BOC: variants seen among roughly 807,000 people sequenced by gnomAD.
BOC encodes the protein BOC cell adhesion associated, oncogene regulated.
Under a neutral mutation model 112.0 loss-of-function variants are expected in BOC, and 76 were observed. The ratio of observed to expected loss-of-function variants is 0.68; its 90% confidence interval spans 0.56 to 0.82. The LOEUF (loss-of-function observed/expected upper bound fraction) is 0.82. Ranked by LOEUF, BOC falls within the 40% of genes least tolerant of loss-of-function variation. BOC has a pLI of 0.00. For synonymous variants in BOC, 580 were observed against 599.8 expected (o/e 0.97, Z 0.48); for missense variants, 1,309 against 1,511.7 (o/e 0.87, Z 2.22).
At chr3:113,280,792 C>A in intron 14 of BOC, 129 bp downstream of exon 14, 2 of 884,786 alleles carry the variant, frequency 2.3e-6, no homozygotes, top group Non-Finnish European at 3.6e-6. Context: ...CTCTAAGCTC[C>A]GTGTCATTGA....
chr3:113,218,226 C>CG (rs1559796973), intron 2 of BOC, among the ~76,000 whole-genome samples: 1 of 152,210 alleles, frequency 6.6e-6, no homozygotes, highest in African/African-American at 2.4e-5. Context: ...AACTGGACTT[C>CG]GGAAGAGAGC....
intron 2 of BOC, among the ~76,000 whole-genome samples, chr3:113,237,508 G>C (rs1943725637): frequency 6.6e-6 from 1 of 152,164 alleles, no homozygotes; most frequent in Non-Finnish European, 1.5e-5. Flanking sequence ...AGTGGCTATA[G>C]GACGCCTGAA....
chr3:113,267,689 G>A (rs1423800020), intron 4 of BOC, among the ~76,000 whole-genome samples: 1 of 152,222 alleles, frequency 6.6e-6, no homozygotes. Context: ...TCTCAGGCCT[G>A]TTACTTGTCA....
At chr3:113,236,290 A>ATATATATATATATATATACCCATGGG (rs1943513287) in intron 2 of BOC, among the ~76,000 whole-genome samples, 7 of 39,648 alleles carry the variant, frequency 1.8e-4, no homozygotes, top group Admixed American at 3.1e-4. Context: ...GGGTATATAT[A>ATATATATATATATATATACCCATGGG]TATATATATA....
At chr3:113,244,823 T>C (rs1406836937) in intron 2 of BOC, among the ~76,000 whole-genome samples, 1 of 152,228 alleles carries the variant, frequency 6.6e-6, no homozygotes, top group Non-Finnish European at 1.5e-5. Flanking sequence ...ACATTATTCT[T>C]ATGTATAAGG....
chr3:113,269,007 G>A (rs1015386524), intron 5 of BOC, among the ~76,000 whole-genome samples: 1 of 152,190 alleles, frequency 6.6e-6, no homozygotes, highest in Non-Finnish European at 1.5e-5. Context: ...GGCTCCAGAA[G>A]ATATTACTGA....
intron 2 of BOC, among the ~76,000 whole-genome samples, chr3:113,223,646 T>G (rs999861443): frequency 7.2e-5 from 11 of 152,208 alleles, no homozygotes; most frequent in Admixed American, 2.6e-4. Flanking sequence ...ACCGCTGATC[T>G]ACTATTGTCT....
At chr3:113,265,480 A>G (rs1241006311) in intron 4 of BOC, among the ~76,000 whole-genome samples, 2 of 152,166 alleles carry the variant, frequency 1.3e-5, no homozygotes, top group East Asian at 1.9e-4. Flanking sequence ...CTCACAGCTC[A>G]CAATCATTCA....
At chr3:113,217,050 G>A (rs923941206) in intron 2 of BOC, among the ~76,000 whole-genome samples, 5 of 152,196 alleles carry the variant, frequency 3.3e-5, no homozygotes, top group African/African-American at 1.2e-4. Context: ...GTGGAGGTTG[G>A]CGCCTTCATC....
chr3:113,279,814 C>T lies in BOC; in HGVS notation c.2024-10C>T. On this transcript the variant is annotated splice_polypyrimidine_tract_variant and intron_variant, in intron 12 of 19. Coordinates refer to ENST00000682979, the MANE Select transcript of BOC (RefSeq NM_001378074.1). ...CAGCTCCTGAGTTCAGTGAGTGTCC[C>T]TCTCACCAGGCACCTCCTACAAGTT... 1.3e-6 allele frequency: 2 copies of T among 1,596,492 alleles called. No homozygotes were observed. Among genetic ancestry groups the T allele is most frequent in the South Asian group, 2.3e-5 (2 of 88,746 alleles).
At chr3:113,281,278 C>T in intron 15 of BOC, 125 bp downstream of exon 15, 5 of 1,180,650 alleles carry the variant, frequency 4.2e-6, no homozygotes, top group South Asian at 1.6e-5. Context: ...TTCCAAATAC[C>T]CTCAGACTTG....
chr3:113,236,282 GTATATATATATATATATA>G (rs71706132), intron 2 of BOC, among the ~76,000 whole-genome samples: 1 of 64,518 alleles, frequency 1.5e-5, no homozygotes, highest in Non-Finnish European at 4.0e-5. Context: ...ATACCCATGG[GTATATATATATATATATA>G]TATATATATA....
chr3:113,219,158 C>G (rs1258758487), intron 2 of BOC, among the ~76,000 whole-genome samples: 1 of 152,334 alleles, frequency 6.6e-6, no homozygotes, highest in African/African-American at 2.4e-5. Context: ...TACCCTTCAT[C>G]GTGTGAGGGA....
chr3:113,250,450 C>T, intron 3 of BOC, 105 bp from the exon 4 acceptor site: 1 of 1,350,074 alleles, frequency 7.4e-7, no homozygotes, highest in Non-Finnish European at 1.0e-6. Flanking sequence ...ACCAGCTTCT[C>T]TGGTGGCCAC....
chr3:113,232,761 A>G (rs9842173), intron 2 of BOC, among the ~76,000 whole-genome samples: 65,958 of 152,120 alleles, frequency 0.43, 14,777 homozygotes, highest in East Asian at 0.7. Context: ...ACTAATGAAA[A>G]TATTCCTAAA....
At chr3:113,256,744 A>G (rs967472316) in intron 4 of BOC, among the ~76,000 whole-genome samples, 5 of 150,618 alleles carry the variant, frequency 3.3e-5, no homozygotes, top group African/African-American at 1.2e-4. Context: ...AGCAGAACCA[A>G]TAATACATAT....
chr3:113,281,301 TCTCTA>T, intron 15 of BOC, 148 bp downstream of exon 15: 1 of 983,354 alleles, frequency 1.0e-6, no homozygotes, highest in Non-Finnish European at 1.5e-6. Context: ...CATGTTTCAC[TCTCTA>T]CTCATTTGTC....
intron 2 of BOC, among the ~76,000 whole-genome samples, chr3:113,218,614 A>G (rs1159043200): frequency 6.6e-6 from 1 of 152,224 alleles, no homozygotes; most frequent in Non-Finnish European, 1.5e-5. Flanking sequence ...TTATGAATGG[A>G]TGTTTTGTAG....
chr3:113,284,927 A>C, intron 18 of BOC, 69 bp downstream of exon 18: 1 of 1,416,578 alleles, frequency 7.1e-7, no homozygotes, highest in Admixed American at 1.7e-5. Flanking sequence ...CCTCAAATCC[A>C]AGGCCTGTCA....
Sources: gnomAD v4.1 joint callset for allele counts (sites outside exome capture counted in the v4.1 genomes callset) on GRCh38, gnomAD v4.1.1 for gene constraint, MANE v1.5 for transcripts, NCBI Gene and HGNC (gene_info 2026-07-23, HGNC 2026-07-21) for gene names.